Variants in NOTCH2NLB observed in about 807,000 individuals in gnomAD.
The protein encoded by NOTCH2NLB is notch homolog 2 N-terminal-like protein B.
In NOTCH2NLB, 1 loss-of-function variant was observed where a neutral mutation model predicts 14.8. That is an observed-to-expected ratio of 0.07 (90% confidence interval 0.02 to 0.32). NOTCH2NLB has a LOEUF of 0.32. Among genes scored for constraint, NOTCH2NLB ranks in the 10% least tolerant of loss-of-function variants. The probability of loss-of-function intolerance (pLI) is 1.00; values close to 1 mark genes in which losing one functional copy is unlikely to be tolerated. For synonymous variants in NOTCH2NLB, 6 were observed against 57.5 expected, an observed-to-expected ratio of 0.10 and a Z score of 4.05; for missense variants, 11 against 155.0, an observed-to-expected ratio of 0.07 and a Z score of 4.93.
chr1:148,646,201 TG>T (rs1210574861), intron 1 of NOTCH2NLB, among the ~76,000 whole-genome samples: 2 of 95,864 alleles, frequency 2.1e-5, no homozygotes, highest in Non-Finnish European at 4.4e-5. Flanking sequence ...CCTCCTCTCT[TG>T]CCATGTTACA....
At chr1:148,645,881 T>C (rs1664360655) in intron 1 of NOTCH2NLB, among the ~76,000 whole-genome samples, 1 of 150,646 alleles carries the variant, frequency 6.6e-6, no homozygotes, top group Non-Finnish European at 1.5e-5. Context: ...CTTTTCTGAG[T>C]ATTTGAAGCA....
intron 1 of NOTCH2NLB, among the ~76,000 whole-genome samples, chr1:148,649,704 G>A (rs1490307344): frequency 2.7e-5 from 4 of 148,216 alleles, no homozygotes; most frequent in African/African-American, 1.0e-4. Flanking sequence ...AGTAGAGACA[G>A]GGTTTCACCG....
exon 1 of NOTCH2NLB, chr1:148,679,719 C>G: frequency 9.9e-7 from 1 of 1,012,552 alleles, no homozygotes; most frequent in Non-Finnish European, 1.2e-6. Context: ...GCTCCTCGGC[C>G]GCCGCCTCAG....
chr1:148,673,422 T>C (rs1362153520), intron 1 of NOTCH2NLB, among the ~76,000 whole-genome samples: 4 of 57,658 alleles, frequency 6.9e-5, no homozygotes, highest in African/African-American at 2.3e-4. Context: ...TGAGGGAAAC[T>C]GCCGACACCA....
chr1:148,691,839 G>A, the NOTCH2NLB span, among the ~76,000 whole-genome samples: 1 of 96,428 alleles, frequency 1.0e-5, no homozygotes, highest in Non-Finnish European at 2.0e-5. Flanking sequence ...TTTACAAGGA[G>A]CCTGACACCC....
chr1:148,610,871 T>G (rs1163798310), intron 3 of NOTCH2NLB, among the ~76,000 whole-genome samples: 1 of 41,054 alleles, frequency 2.4e-5, no homozygotes, highest in Non-Finnish European at 4.3e-5. Flanking sequence ...CCAGCCTGGA[T>G]GACAAAGCAA....
intron 1 of NOTCH2NLB, among the ~76,000 whole-genome samples, chr1:148,651,157 AAAAAAAT>A (rs1316570620): frequency 6.1e-4 from 51 of 83,074 alleles, no homozygotes; most frequent in African/African-American, 1.4e-3. Flanking sequence ...AAAAAAAAAA[AAAAAAAT>A]ATATATATAT....
the NOTCH2NLB span, among the ~76,000 whole-genome samples, chr1:148,693,194 C>T: frequency 1.3e-5 from 2 of 152,072 alleles, no homozygotes; most frequent in Non-Finnish European, 2.9e-5. Flanking sequence ...TAAAAGAGGC[C>T]TGAGTTCCTA....
rs1664519892 is a variant in NOTCH2NLB at position 148,654,815 on chromosome 1, C to T, written c.4-14726G>A. Among the ~76,000 whole-genome samples the T allele has an allele frequency of 2.4e-5, 2 of 83,508 alleles. 1 individual carries two copies. Among genetic ancestry groups the T allele is most frequent in the South Asian group, 1.1e-3 (2 of 1,838 alleles). 54.8% of individuals were successfully genotyped at this position (83,508 alleles called of 152,430 possible). On this transcript the variant is annotated intron_variant, in intron 1 of 4. Coordinates refer to ENST00000593495, the Ensembl canonical transcript of NOTCH2NLB. ...ATAATATACTCTATAAATAAATTAT[C>T]AAAATTCAGGGTATTTGGTGATAGA...
chr1:148,651,163 ATATATATAT>A (rs1414206517), intron 1 of NOTCH2NLB, among the ~76,000 whole-genome samples: 15 of 36,740 alleles, frequency 4.1e-4, no homozygotes, highest in Admixed American at 9.6e-4. Flanking sequence ...AAAAAAAAAA[ATATATATAT>A]ATATATATAT....
At chr1:148,703,393 T>C in the NOTCH2NLB span, among the ~76,000 whole-genome samples, 1 of 83,860 alleles carries the variant, frequency 1.2e-5, no homozygotes, top group Non-Finnish European at 2.5e-5. Context: ...GTCTGTGGGG[T>C]TGGAGGTGGA....
chr1:148,616,453 C>G (rs1384017612), intron 2 of NOTCH2NLB, among the ~76,000 whole-genome samples: 1 of 151,998 alleles, frequency 6.6e-6, no homozygotes, highest in Non-Finnish European at 1.5e-5. Context: ...CTCAATTAAG[C>G]ATTGAGAAAT....
chr1:148,609,694 G>A (rs1199215783), intron 3 of NOTCH2NLB, among the ~76,000 whole-genome samples: 1 of 136,218 alleles, frequency 7.3e-6, no homozygotes, highest in Non-Finnish European at 1.6e-5. Flanking sequence ...TGACCTCATA[G>A]AAAGGTAAAT....
At chr1:148,638,340 A>G (rs1664263815) in intron 2 of NOTCH2NLB, among the ~76,000 whole-genome samples, 2 of 149,372 alleles carry the variant, frequency 1.3e-5, no homozygotes, top group Admixed American at 6.6e-5. Context: ...GCATAAGACT[A>G]AGACCTCACA....
At chr1:148,702,196 T>A in the NOTCH2NLB span, among the ~76,000 whole-genome samples, 5 of 145,002 alleles carry the variant, frequency 3.4e-5, no homozygotes, top group African/African-American at 1.2e-4. Flanking sequence ...TTTCTCAGCA[T>A]GAATTGCCAG....
intron 2 of NOTCH2NLB, among the ~76,000 whole-genome samples, chr1:148,624,218 TAG>T (rs1402632408): frequency 7.5e-5 from 1 of 13,338 alleles, no homozygotes; most frequent in Non-Finnish European, 1.1e-4. Flanking sequence ...TGAATTTGGT[TAG>T]AGAGTGAAAA....
intron 3 of NOTCH2NLB, among the ~76,000 whole-genome samples, chr1:148,609,256 C>G (rs1663608870): frequency 2.0e-5 from 2 of 100,008 alleles, no homozygotes; most frequent in Admixed American, 2.0e-4. Flanking sequence ...TCCCACCACC[C>G]CACGACAGGC....
chr1:148,712,463 G>T, the NOTCH2NLB span, among the ~76,000 whole-genome samples: 13 of 152,402 alleles, frequency 8.5e-5, no homozygotes, highest in South Asian at 4.1e-4. Context: ...GGGAATATGT[G>T]ATGAAACGTC....
chr1:148,605,049 C>A (rs1663468393), downstream of NOTCH2NLB, among the ~76,000 whole-genome samples: 2 of 140,006 alleles, frequency 1.4e-5, no homozygotes, highest in African/African-American at 5.4e-5. Context: ...TTTCTTATAA[C>A]ATGAACATAT....
Sources: allele counts gnomAD v4.1 joint callset (sites outside exome capture counted in the v4.1 genomes callset), GRCh38; gene constraint gnomAD v4.1.1; transcripts MANE v1.5; gene names NCBI Gene and HGNC (gene_info 2026-07-23, HGNC 2026-07-21).